The following DIAPH3 variants were observed in gnomAD, a reference collection of about 807,000 sequenced individuals.
The protein encoded by DIAPH3 is diaphanous related formin 3, also known as protein diaphanous homolog 3.
DIAPH3 carries 117 observed loss-of-function variants against 144.3 expected under a neutral mutation model. That is an observed-to-expected ratio of 0.81 (90% confidence interval 0.70 to 0.95). The LOEUF (loss-of-function observed/expected upper bound fraction) is 0.95, where lower values mean the gene tolerates loss of function less well. DIAPH3 is among the 40% of genes least tolerant of loss of function. The probability of loss-of-function intolerance (pLI) is 0.00; values close to 1 mark genes in which losing one functional copy is unlikely to be tolerated. For synonymous variants in DIAPH3, 519 were observed against 488.9 expected (o/e 1.06, Z -0.81); for missense variants, 1,421 against 1,412.7 (o/e 1.01, Z -0.09).
At chr13:60,132,930 C>T (rs1476336193) in intron 2 of DIAPH3, 27 bp downstream of exon 2, 1 of 1,592,332 alleles carries the variant, frequency 6.3e-7, no homozygotes, top group Admixed American at 1.7e-5. Context: ...CAATTCATAA[C>T]AAAGGAAAAG....
At chr13:59,775,200 A>G (rs937701351) in intron 25 of DIAPH3, among the ~76,000 whole-genome samples, 7 of 152,150 alleles carry the variant, frequency 4.6e-5, no homozygotes, top group Admixed American at 4.6e-4. Context: ...ATCATCTTCT[A>G]TTCTAAAGTC....
At chr13:59,750,011 C>T (rs1279950551) in intron 27 of DIAPH3, among the ~76,000 whole-genome samples, 1 of 152,136 alleles carries the variant, frequency 6.6e-6, no homozygotes, top group Non-Finnish European at 1.5e-5. Flanking sequence ...GAGTTGAAAC[C>T]TTCCTTCCCT....
intron 4 of DIAPH3, among the ~76,000 whole-genome samples, chr13:60,073,287 C>A (rs2057276181): frequency 6.7e-6 from 1 of 149,866 alleles, no homozygotes; most frequent in South Asian, 2.1e-4. Context: ...CCAGCCTGGG[C>A]AACAGAGCGG....
At chr13:59,796,232 G>C (rs543938824) in intron 25 of DIAPH3, among the ~76,000 whole-genome samples, 1 of 152,142 alleles carries the variant, frequency 6.6e-6, no homozygotes, top group African/African-American at 2.4e-5. Flanking sequence ...AGTTGTTATG[G>C]ATAAAGATTT....
intron 17 of DIAPH3, among the ~76,000 whole-genome samples, chr13:59,926,774 C>A (rs1014585101): frequency 1.4e-4 from 21 of 152,064 alleles, no homozygotes; most frequent in African/African-American, 4.8e-4. Context: ...GAGAGTGTTC[C>A]ATGAGCTGAA....
Position 60,011,296 on chromosome 13 carries a change from G to A in DIAPH3, c.772-627C>T, listed in dbSNP as rs1048643698. 3.9e-5 allele frequency among the ~76,000 whole-genome samples: 6 copies of A among 152,194 alleles called. No homozygotes were observed. The East Asian group carries it at 9.7e-4, about 25-fold the overall frequency. ...ATGGGATTTGCCAACAGAAGCATATGAAACAAACAGCCAGATACGGAACCA... is the reference window on the plus strand; with the variant it reads ...ATGGGATTTGCCAACAGAAGCATATAAAACAAACAGCCAGATACGGAACCA... On this transcript the variant is annotated intron_variant, in intron 7 of 27. Transcript: ENST00000400324.
At chr13:60,105,125 A>AAAAAAAAAAAAAAAC (rs2058383698) in intron 3 of DIAPH3, among the ~76,000 whole-genome samples, 5 of 148,536 alleles carry the variant, frequency 3.4e-5, no homozygotes, top group African/African-American at 9.9e-5. Flanking sequence ...AAAAAAAAAA[A>AAAAAAAAAAAAAAAC]CTGCCAGTGA....
intron 17 of DIAPH3, among the ~76,000 whole-genome samples, chr13:59,961,173 G>A (rs897584409): frequency 2.0e-5 from 3 of 152,304 alleles, no homozygotes; most frequent in Admixed American, 6.5e-5. Flanking sequence ...GGAAGATTCA[G>A]AGATGATACA....
chr13:59,802,030 A>G (rs1295947574), intron 25 of DIAPH3, among the ~76,000 whole-genome samples: 2 of 152,190 alleles, frequency 1.3e-5, no homozygotes, highest in East Asian at 3.8e-4. Flanking sequence ...ACACCAATGA[A>G]TAGATTTCCT....
chr13:59,941,214 T>C (rs545939060), intron 17 of DIAPH3, among the ~76,000 whole-genome samples: 1 of 152,062 alleles, frequency 6.6e-6, no homozygotes, highest in African/African-American at 2.4e-5. Context: ...TTCCTTTAAC[T>C]ATATAAAACT....
At position 59,879,383 on chromosome 13, in the gene DIAPH3, G is replaced by C; in HGVS notation, c.2453C>G (p.Pro818Arg). 6.2e-7 allele frequency: 1 copy of C among 1,613,846 alleles called. No individual in the cohort carries two copies. The change falls in exon 21 of 28, where the codon CCT (proline) becomes CGT (arginine). Residue 818 changes from proline to arginine, a missense_variant. By Grantham distance (103) the Pro-to-Arg change is moderately radical. Coordinates refer to ENST00000400324, the MANE Select transcript of DIAPH3 (RefSeq NM_001042517.2). ...QFEEQVNNIK[P>R]DIMAVSTACE... ...GGCAGTACTGACAGCCATGATGTCA[G>C]GTTTGATGTTGTTCACCTGCTCTTC... is the stretch of plus-strand genomic sequence containing the variant.
intron 17 of DIAPH3, among the ~76,000 whole-genome samples, chr13:59,929,104 G>T (rs1476405865): frequency 1.3e-5 from 2 of 152,134 alleles, no homozygotes; most frequent in African/African-American, 4.8e-5. Flanking sequence ...TATGTTCAAA[G>T]GAAATGTTCA....
At chr13:59,825,439 T>G (rs2041346092) in intron 24 of DIAPH3, among the ~76,000 whole-genome samples, 2 of 152,298 alleles carry the variant, frequency 1.3e-5, no homozygotes, top group South Asian at 4.1e-4. Context: ...TCTATCATTG[T>G]TGGACATTTG....
rs921709151 is a variant in DIAPH3, at chr13:60,033,969, A to T, written c.626+8721T>A. On this transcript the variant is annotated intron_variant, in intron 5 of 27. Coordinates refer to ENST00000400324, the MANE Select transcript of DIAPH3 (RefSeq NM_001042517.2). Reference sequence around the variant, plus strand: ...TTTGTATTAAGGCCTTTCTTCATGTATAGATATGTAAGGGAATACCAAGAT... The same window carrying T: ...TTTGTATTAAGGCCTTTCTTCATGTTTAGATATGTAAGGGAATACCAAGAT... 1.6e-4 allele frequency among the ~76,000 whole-genome samples: 24 copies of T among 152,208 alleles called. 1 individual carries two copies. Among genetic ancestry groups the T allele is most frequent in the Admixed American group, 1.6e-3 (24 of 15,280 alleles).
At position 59,829,347 on chromosome 13, in the gene DIAPH3, C is replaced by G. The variant is rs947518590; in HGVS notation, c.3027+3760G>C. Among the ~76,000 whole-genome samples the G allele has an allele frequency of 4.6e-5, 7 of 151,888 alleles. 1 individual carries two copies. The highest frequency in any genetic ancestry group is 4.0e-4 in the Admixed American group (6 of 15,182). ...TTCAAGCTAGTCCCGTTTGACACAG[C>G]AATAGCAGTTATGCATTTAATAGAT... On this transcript the variant is annotated intron_variant, in intron 24 of 27. Transcript: ENST00000400324.
intron 25 of DIAPH3, among the ~76,000 whole-genome samples, chr13:59,777,804 T>TAG (rs1566295146): frequency 6.6e-6 from 1 of 151,676 alleles, no homozygotes; most frequent in Non-Finnish European, 1.5e-5. Flanking sequence ...GAGGAAGAAA[T>TAG]AGAGAAAGAG....
chr13:59,710,454 A>G (rs1435259694), intron 27 of DIAPH3, among the ~76,000 whole-genome samples: 1 of 152,190 alleles, frequency 6.6e-6, no homozygotes, highest in Non-Finnish European at 1.5e-5. Context: ...CATTTAAAAT[A>G]TGGGAGTAGA....
chr13:59,896,621 A>C (rs1012731736), intron 20 of DIAPH3, among the ~76,000 whole-genome samples: 13 of 152,024 alleles, frequency 8.6e-5, no homozygotes, highest in African/African-American at 3.1e-4. Flanking sequence ...CGGTCCTTGA[A>C]CATACTTCCG....
At chr13:59,977,774 T>C (rs894315734) in intron 14 of DIAPH3, among the ~76,000 whole-genome samples, 2 of 151,740 alleles carry the variant, frequency 1.3e-5, no homozygotes, top group Non-Finnish European at 2.9e-5. Flanking sequence ...GTTTTGTTGT[T>C]TTACAAGCTA....
Sources: gnomAD v4.1 joint callset for allele counts (sites outside exome capture counted in the v4.1 genomes callset) on GRCh38, gnomAD v4.1.1 for gene constraint, MANE v1.5 for transcripts, NCBI Gene and HGNC (gene_info 2026-07-23, HGNC 2026-07-21) for gene names.